Variants in TTK observed in about 807,000 individuals in gnomAD.
The protein encoded by TTK is TTK protein kinase, also known as dual specificity protein kinase TTK.
A neutral mutation model predicts 117.3 loss-of-function variants in TTK; 59 were observed. The observed-to-expected ratio is 0.50, with a 90% CI of 0.41 to 0.62. The LOEUF (loss-of-function observed/expected upper bound fraction) is 0.62. Ranked by LOEUF, TTK falls within the 20% of genes least tolerant of loss-of-function variation. The probability of loss-of-function intolerance (pLI) is 0.00; values close to 1 mark genes in which losing one functional copy is unlikely to be tolerated. For synonymous variants in TTK, 302 were observed against 325.0 expected (o/e 0.93, Z 0.76); for missense variants, 921 against 989.4 (o/e 0.93, Z 0.93).
At chr6:80,028,820 C>G (rs1767678725) in intron 13 of TTK, among the ~76,000 whole-genome samples, 1 of 152,022 alleles carries the variant, frequency 6.6e-6, no homozygotes, top group Non-Finnish European at 1.5e-5. Flanking sequence ...AGTAACTGTC[C>G]TAGAGGCAGC....
At chr6:80,026,282 T>C (rs979759007) in intron 11 of TTK, 96 bp from the exon 12 acceptor site, 24 of 1,282,420 alleles carry the variant, frequency 1.9e-5, no homozygotes, top group Non-Finnish European at 2.3e-5. Flanking sequence ...ATATCATATG[T>C]TATTATTTTA....
At chr6:80,008,753 T>C (rs971686934) in intron 4 of TTK, among the ~76,000 whole-genome samples, 6 of 152,110 alleles carry the variant, frequency 3.9e-5, no homozygotes, top group Non-Finnish European at 8.8e-5. Flanking sequence ...TCAGGAAACA[T>C]CTAAAGGAAA....
At chr6:80,032,191 C>T (rs1157777511) in intron 14 of TTK, among the ~76,000 whole-genome samples, 1 of 152,118 alleles carries the variant, frequency 6.6e-6, no homozygotes, top group Non-Finnish European at 1.5e-5. Flanking sequence ...TAATGACCTC[C>T]ATTTTTTTGC....
chr6:80,035,514 G>C, intron 16 of TTK, 97 bp downstream of exon 16: 1 of 1,241,454 alleles, frequency 8.1e-7, no homozygotes, highest in Non-Finnish European at 1.1e-6. Flanking sequence ...TTGGTTATTG[G>C]TGTCTTTAAC....
chr6:80,041,232 C>T (rs1336088763), intron 21 of TTK, among the ~76,000 whole-genome samples: 1 of 151,702 alleles, frequency 6.6e-6, no homozygotes, highest in African/African-American at 2.4e-5. Context: ...ACTGATTTAG[C>T]CAACAAGCAG....
At chr6:80,031,218 G>T (rs534772265) in intron 13 of TTK, among the ~76,000 whole-genome samples, 32 of 151,582 alleles carry the variant, frequency 2.1e-4, no homozygotes, top group African/African-American at 6.8e-4. Context: ...ATATTAAGTG[G>T]TTTTTTCCTC....
chr6:80,038,400 C>G (rs1767963759), intron 18 of TTK, among the ~76,000 whole-genome samples: 1 of 152,092 alleles, frequency 6.6e-6, no homozygotes, highest in African/African-American at 2.4e-5. Flanking sequence ...CAGGCTAACC[C>G]TTCTTTCTCT....
chr6:80,035,948 A>G (rs1767896352), intron 16 of TTK, among the ~76,000 whole-genome samples: 1 of 152,006 alleles, frequency 6.6e-6, no homozygotes, highest in South Asian at 2.1e-4. Flanking sequence ...AGTTAATTGT[A>G]ATTTATCTCC....
In TTK at chr6:80,005,942, T is replaced by C. The variant is rs376037219; in HGVS notation, c.99T>C (p.Thr33=). Residue 33 remains threonine, a synonymous_variant, in exon 2 of 22, where the codon ACT becomes ACC. Coordinates refer to ENST00000369798, the MANE Select transcript of TTK (RefSeq NM_003318.5). The part of the protein sequence containing the change: ...IKNKFKNEDL[T]DELSLNKISA... ...ATAAGTTTAAAAATGAAGACCTTAC[T>C]GATGAACTAAGCTTGAATAAAATTT... 5 of 1,611,548 alleles carry C rather than the reference T, an allele frequency of 3.1e-6. No individual in the cohort carries two copies. In the African/African-American group the frequency reaches 6.7e-5, roughly 22 times the overall value.
rs140102468 is a variant in TTK, at chr6:80,030,748, A to G, written c.1522-719A>G. 3.4e-3 allele frequency among the ~76,000 whole-genome samples: 525 copies of G among 152,292 alleles called. 8 individuals carry two copies. Among genetic ancestry groups the G allele is most frequent in the Non-Finnish European group, 8.1e-4 (55 of 68,014 alleles). ...CCAGGCCCCGCCTCCAACATTGGGAATTACAATTTGACATGAAATTTGACA... is the reference window on the plus strand; with the variant it reads ...CCAGGCCCCGCCTCCAACATTGGGAGTTACAATTTGACATGAAATTTGACA... On this transcript the variant is annotated intron_variant, in intron 13 of 21. Transcript: ENST00000369798.
chr6:80,018,648 A>AAAG (rs372287303), intron 10 of TTK, among the ~76,000 whole-genome samples: 4 of 143,416 alleles, frequency 2.8e-5, no homozygotes, highest in Admixed American at 7.0e-5. Flanking sequence ...AAAAAAAAAA[A>AAAG]TATAGCTTTT....
intron 21 of TTK, 53 bp downstream of exon 21, chr6:80,040,756 G>C (rs1768028372): frequency 1.3e-6 from 2 of 1,533,580 alleles, no homozygotes; most frequent in Admixed American, 3.8e-5. Flanking sequence ...TAGTGAATTC[G>C]ACACTTAAGG....
chr6:80,014,618 T>C, intron 10 of TTK, 32 bp downstream of exon 10: 1 of 1,554,260 alleles, frequency 6.4e-7, no homozygotes, highest in African/African-American at 1.4e-5. Context: ...GACTTGTATG[T>C]TTAGTTAAGA....
chr6:80,011,856 T>C (rs1767167011), intron 7 of TTK, 30 bp from the exon 8 acceptor site: 2 of 1,612,102 alleles, frequency 1.2e-6, no homozygotes, highest in South Asian at 1.1e-5. Flanking sequence ...ATTTCCTAGT[T>C]GGTTATTTAA....
rs1562024331 is a variant in TTK, at chr6:80,035,074, C to A, written c.1704C>A (p.Tyr568Ter). 6.2e-7 allele frequency: 1 copy of A among 1,603,852 alleles called. No homozygotes were observed. Among genetic ancestry groups the A allele is most frequent in the Non-Finnish European group, 8.5e-7 (1 of 1,176,756 alleles). Residue 568 changes from tyrosine to a stop codon, truncating the protein, a stop_gained, in exon 15 of 22, where the codon TAC becomes TAA. Coordinates refer to ENST00000369798, the MANE Select transcript of TTK (RefSeq NM_003318.5). LOFTEE classifies it high-confidence loss of function. The part of the protein sequence containing the change: ...EEADNQTLDS[Y>*]RNEIAYLNKL... ...CAGATAACCAAACTCTTGATAGTTA[C>A]CGGAACGAAATAGCTTATTTGAATA...
chr6:80,037,900 C>CAA, intron 17 of TTK, 67 bp from the exon 18 acceptor site: 1 of 808,728 alleles, frequency 1.2e-6, no homozygotes. Context: ...ATAATAATCT[C>CAA]AAAAAAAAAT....
intron 10 of TTK, among the ~76,000 whole-genome samples, chr6:80,018,134 G>A (rs1767359497): frequency 6.6e-6 from 1 of 151,536 alleles, no homozygotes; most frequent in Admixed American, 6.6e-5. Context: ...ATGATCACAT[G>A]ATCATGCCAC....
At chr6:80,039,036 T>A (rs538623259) in intron 18 of TTK, among the ~76,000 whole-genome samples, 4 of 152,128 alleles carry the variant, frequency 2.6e-5, no homozygotes, top group Non-Finnish European at 5.9e-5. Flanking sequence ...GTAACACATC[T>A]TCAAGATATG....
intron 4 of TTK, 61 bp from the exon 5 acceptor site, chr6:80,010,753 G>T (rs756357626): frequency 6.8e-7 from 1 of 1,462,696 alleles, no homozygotes; most frequent in Non-Finnish European, 9.1e-7. Flanking sequence ...TACGTATCTG[G>T]GTGGTCTGGG....
Sources: gnomAD v4.1 joint callset for allele counts (sites outside exome capture counted in the v4.1 genomes callset) on GRCh38, gnomAD v4.1.1 for gene constraint, MANE v1.5 for transcripts, NCBI Gene and HGNC (gene_info 2026-07-23, HGNC 2026-07-21) for gene names.